TAF2: variants seen among roughly 807,000 people sequenced by gnomAD.
TAF2 encodes the protein transcription initiation factor TFIID subunit 2.
In TAF2, 61 loss-of-function variants were observed where a neutral mutation model predicts 138.5. That is an observed-to-expected ratio of 0.44 (90% CI 0.36 to 0.54). The LOEUF (loss-of-function observed/expected upper bound fraction) is 0.54. TAF2 is among the 20% of genes least tolerant of loss of function. The probability of loss-of-function intolerance (pLI) is 0.00; values close to 1 mark genes in which losing one functional copy is unlikely to be tolerated. For synonymous variants in TAF2, 475 were observed against 469.9 expected (o/e 1.01, Z -0.14); for missense variants, 1,090 against 1,427.9 (o/e 0.76, Z 3.81).
intron 18 of TAF2, among the ~76,000 whole-genome samples, chr8:119,774,997 G>T (rs139961519): frequency 2.1e-3 from 319 of 151,780 alleles, no homozygotes; most frequent in Non-Finnish European, 3.6e-3. Flanking sequence ...AAAAAAATTG[G>T]AGGCCAGGCG....
intron 18 of TAF2, among the ~76,000 whole-genome samples, chr8:119,771,900 G>C (rs981756763): frequency 2.6e-5 from 4 of 152,134 alleles, no homozygotes; most frequent in Non-Finnish European, 4.4e-5. Flanking sequence ...TTTCTCATCT[G>C]AACATGGAAC....
rs190942762 is a variant in TAF2, at chr8:119,813,793, C to T, written c.299+5553G>A. Among the ~76,000 whole-genome samples, 27 of 152,124 alleles carry T rather than the reference C, an allele frequency of 1.8e-4. No homozygotes were observed. In the East Asian group the frequency reaches 3.1e-3, roughly 17 times the overall value. ...CTCAATGTAATAAAGAACTTTCCAG[C>T]ATTTAGAAATAATGAAAGGGGTGTG... On this transcript the variant is annotated intron_variant, in intron 3 of 25. Coordinates refer to ENST00000378164, the MANE Select transcript of TAF2 (RefSeq NM_003184.4).
In TAF2 at chr8:119,739,030, A is replaced by T. The variant is rs200063721; in HGVS notation, c.3337+3504T>A. On this transcript the variant is annotated intron_variant, in intron 25 of 25. Coordinates refer to ENST00000378164, the MANE Select transcript of TAF2 (RefSeq NM_003184.4). ...AAGAAGTTTTTTTTTTTTTTTTTTT[A>T]AATTAAAAAATTTACCAGAATTGTG... Among the ~76,000 whole-genome samples, 267 of 43,238 alleles carry T rather than the reference A, an allele frequency of 6.2e-3. 1 individual carries two copies. Among genetic ancestry groups the T allele is most frequent in the African/African-American group, 0.025 (193 of 7,602 alleles). The allele number at this position is 43,238 out of a possible 152,430, so 28.4% of individuals were successfully genotyped here.
At chr8:119,826,153 C>G (rs12542794) in intron 2 of TAF2, among the ~76,000 whole-genome samples, 41,014 of 151,354 alleles carry the variant, frequency 0.27, 6,750 homozygotes, top group Admixed American at 0.46. Flanking sequence ...GAAGAAATAC[C>G]TAATGTAGGT....
intron 2 of TAF2, among the ~76,000 whole-genome samples, chr8:119,827,979 G>A (rs1010953224): frequency 6.6e-6 from 1 of 151,994 alleles, no homozygotes. Flanking sequence ...TCCTGACCTC[G>A]TGATCTGCCC....
chr8:119,798,686 T>C (rs2131196017), intron 6 of TAF2, among the ~76,000 whole-genome samples: 1 of 152,326 alleles, frequency 6.6e-6, no homozygotes, highest in Non-Finnish European at 1.5e-5. Flanking sequence ...GGTCAAATTA[T>C]AGAAGATCTT....
intron 3 of TAF2, among the ~76,000 whole-genome samples, chr8:119,815,843 T>C (rs557521747): frequency 2.6e-5 from 4 of 152,334 alleles, no homozygotes; most frequent in East Asian, 1.9e-4. Context: ...AATTATTTTA[T>C]TGACAAATAG....
At chr8:119,815,509 C>T (rs551787318) in intron 3 of TAF2, among the ~76,000 whole-genome samples, 7 of 151,790 alleles carry the variant, frequency 4.6e-5, no homozygotes, top group East Asian at 2.0e-4. Context: ...CCCCTGACCT[C>T]GTGATCCACC....
intron 25 of TAF2, among the ~76,000 whole-genome samples, chr8:119,740,277 G>A (rs1819506059): frequency 6.6e-6 from 1 of 152,116 alleles, no homozygotes; most frequent in African/African-American, 2.4e-5. Context: ...ATACACACAA[G>A]GGCTAGGTTT....
Position 119,778,076 on chromosome 8 carries a change from T to C in TAF2, c.2307A>G (p.Lys769=). Reference sequence around the variant, plus strand: ...AGTCTAAAATAAATGTTAAGACTTCTTTAGGACAAAGATTATGAACATCTC... The same window carrying C: ...AGTCTAAAATAAATGTTAAGACTTCCTTAGGACAAAGATTATGAACATCTC... ...LLRDVHNLCP[K]EVLTFILDLI... is the part of the protein sequence containing the mutation. Residue 769 remains lysine, a synonymous_variant, in exon 18 of 26, where the codon AAA becomes AAG. Transcript: ENST00000378164. 3 of 1,599,258 alleles carry C rather than the reference T, an allele frequency of 1.9e-6. No homozygotes were observed. The highest frequency in any genetic ancestry group is 2.6e-6 in the Non-Finnish European group (3 of 1,168,360).
At chr8:119,762,116 G>C (rs1821105117) in intron 19 of TAF2, among the ~76,000 whole-genome samples, 1 of 152,052 alleles carries the variant, frequency 6.6e-6, no homozygotes, top group African/African-American at 2.4e-5. Flanking sequence ...AGAATATGCA[G>C]ACATCAAAGC....
At chr8:119,795,894 T>C (rs1011649784) in intron 8 of TAF2, among the ~76,000 whole-genome samples, 5 of 152,116 alleles carry the variant, frequency 3.3e-5, no homozygotes, top group African/African-American at 1.2e-4. Context: ...GTACATGCTC[T>C]ACTCTGACAG....
intron 18 of TAF2, among the ~76,000 whole-genome samples, chr8:119,769,146 A>G (rs73702611): frequency 1.1e-3 from 165 of 152,326 alleles, no homozygotes; most frequent in African/African-American, 3.8e-3. Flanking sequence ...ATCTGCTTTT[A>G]CCACAGCTGG....
chr8:119,810,493 C>T (rs1350490413), intron 3 of TAF2, among the ~76,000 whole-genome samples: 4 of 152,150 alleles, frequency 2.6e-5, no homozygotes, highest in Non-Finnish European at 4.4e-5. Context: ...AGCTTCATCT[C>T]TGTAGTACAA....
rs763401185 is a variant in TAF2, at chr8:119,731,822, C to T, written c.*102G>A. 5.4e-5 allele frequency: 63 copies of T among 1,158,420 alleles called. No homozygotes were observed. Among genetic ancestry groups the T allele is most frequent in the Admixed American group, 1.2e-4 (7 of 58,052 alleles). The allele number at this position is 1,158,420 out of a possible 1,614,324, so 71.8% of individuals were successfully genotyped here. A position where few individuals can be genotyped will look rare whatever the true frequency, so the allele number is the denominator to read the frequency against. On this transcript the variant is annotated 3_prime_UTR_variant, in exon 26 of 26. Coordinates refer to ENST00000378164, the MANE Select transcript of TAF2 (RefSeq NM_003184.4). ...GAATTCAGAATTTCTGTAGGAGAGG[C>T]GAATCCTTTCCCCCCTCCCTTTTAT... is the stretch of plus-strand genomic sequence containing the variant.
In TAF2 at chr8:119,756,079, T is replaced by C. The variant is rs748394476; in HGVS notation, c.2805A>G (p.Pro935=). The change falls in exon 22 of 26, where the codon CCA becomes CCG. Residue 935 remains proline (P), a synonymous_variant. Transcript: ENST00000378164. ...KILNMLTKNP[P]FTKNMESPLC... is the part of the protein sequence containing the mutation. ...AGGGAGACTCCATGTTCTTAGTAAA[T>C]GGTGGGTTCTTAGTCAACATGTTGA... 5.0e-6 allele frequency: 8 copies of C among 1,613,548 alleles called. No individual in the cohort carries two copies. In the Admixed American group the frequency reaches 6.7e-5, roughly 13 times the overall value.
intron 18 of TAF2, among the ~76,000 whole-genome samples, chr8:119,773,962 G>A (rs1822025770): frequency 6.6e-6 from 1 of 151,666 alleles, no homozygotes; most frequent in African/African-American, 2.4e-5. Context: ...ACGAGGTCAG[G>A]AGATCGAGAC....
chr8:119,820,269 AC>A (rs1825736560), intron 2 of TAF2, among the ~76,000 whole-genome samples: 1 of 152,200 alleles, frequency 6.6e-6, no homozygotes, highest in African/African-American at 2.4e-5. Flanking sequence ...ATGTACTCAA[AC>A]ATAAAACAAG....
At chr8:119,828,044 A>T (rs769698527) in intron 2 of TAF2, among the ~76,000 whole-genome samples, 1 of 151,766 alleles carries the variant, frequency 6.6e-6, no homozygotes, top group Admixed American at 6.6e-5. Context: ...CGCCTGGCCA[A>T]TTCTTGTATT....
Sources: allele counts gnomAD v4.1 joint callset (sites outside exome capture counted in the v4.1 genomes callset), GRCh38; gene constraint gnomAD v4.1.1; transcripts MANE v1.5; gene names NCBI Gene and HGNC (gene_info 2026-07-23, HGNC 2026-07-21).